Variants in PPP2R2B observed in about 807,000 individuals in gnomAD.
PPP2R2B encodes the protein serine/threonine-protein phosphatase 2A 55 kDa regulatory subunit B beta isoform.
PPP2R2B carries 5 observed loss-of-function variants against 46.0 expected under a neutral mutation model. The observed-to-expected ratio is 0.11, with a 90% CI of 0.06 to 0.23. The LOEUF is 0.23. Among genes scored for constraint, PPP2R2B ranks in the 10% least tolerant of loss-of-function variants. The pLI is 1.00. For synonymous variants in PPP2R2B, 215 were observed against 206.7 expected, an observed-to-expected ratio of 1.04 and a Z score of -0.34; for missense variants, 367 against 575.0, an observed-to-expected ratio of 0.64 and a Z score of 3.70.
Position 147,040,707 on chromosome 5 carries a change from T to C in PPP2R2B, c.79+14958A>G, listed in dbSNP as rs116967443. 693 of 444,018 alleles carry C rather than the reference T, an allele frequency of 1.6e-3. 9 individuals are homozygous for C. The East Asian group carries it at 0.033, about 21-fold the overall frequency. The allele number at this position is 444,018 out of a possible 1,614,324, so 27.5% of individuals were successfully genotyped here. ...TGTTAGGTACTCCGTGTGAGGAAGG[T>C]AGCACTTACGAGAACATTCTTGAAG... On this transcript the variant is annotated intron_variant, in intron 1 of 8. Transcript: ENST00000336640.
chr5:146,788,282 G>C (rs903457615), intron 2 of PPP2R2B, among the ~76,000 whole-genome samples: 5 of 151,276 alleles, frequency 3.3e-5, no homozygotes, highest in African/African-American at 1.2e-4. Context: ...TGGGGATAAT[G>C]GTAAATTCCA....
At chr5:146,835,455 T>A (rs1013225223) in intron 2 of PPP2R2B, among the ~76,000 whole-genome samples, 4 of 152,144 alleles carry the variant, frequency 2.6e-5, no homozygotes, top group Non-Finnish European at 5.9e-5. Context: ...TGAAGCATGT[T>A]GAGTTCTAGC....
chr5:146,990,671 A>G (rs762792569), intron 1 of PPP2R2B, among the ~76,000 whole-genome samples: 1 of 152,128 alleles, frequency 6.6e-6, no homozygotes, highest in Non-Finnish European at 1.5e-5. Flanking sequence ...GATTTTTCGA[A>G]TAAGACTGCA....
chr5:146,862,371 C>T (rs758075484), intron 2 of PPP2R2B, among the ~76,000 whole-genome samples: 1 of 152,230 alleles, frequency 6.6e-6, no homozygotes, highest in African/African-American at 2.4e-5. Context: ...TGGTCACTGC[C>T]TTCTTGGAGT....
intron 2 of PPP2R2B, among the ~76,000 whole-genome samples, chr5:146,805,834 T>C (rs1389427779): frequency 2.0e-5 from 3 of 152,128 alleles, no homozygotes; most frequent in Non-Finnish European, 4.4e-5. Context: ...TCACCTGTGA[T>C]CTACACCTGA....
intron 2 of PPP2R2B, among the ~76,000 whole-genome samples, chr5:146,765,739 T>C (rs939512477): frequency 6.6e-6 from 1 of 152,192 alleles, no homozygotes; most frequent in African/African-American, 2.4e-5. Context: ...TAATGCATAT[T>C]TCACACCACA....
intron 1 of PPP2R2B, among the ~76,000 whole-genome samples, chr5:147,017,699 AGTAAG>A (rs1223511569): frequency 6.7e-6 from 1 of 148,986 alleles, no homozygotes; most frequent in Non-Finnish European, 1.5e-5. Flanking sequence ...TGCAGTGTAA[AGTAAG>A]ATACAAGCAA....
At chr5:146,725,437 T>C (rs1181741052) in intron 2 of PPP2R2B, among the ~76,000 whole-genome samples, 1 of 152,112 alleles carries the variant, frequency 6.6e-6, no homozygotes, top group East Asian at 1.9e-4. Context: ...CATAGGGAAA[T>C]GGATGCAGGT....
chr5:146,594,798 A>AACTC (rs959429154), intron 8 of PPP2R2B, among the ~76,000 whole-genome samples: 4 of 152,196 alleles, frequency 2.6e-5, no homozygotes, highest in African/African-American at 9.6e-5. Context: ...TGTGATAATG[A>AACTC]ACTCAAGTGA....
rs1762015722 is a variant in PPP2R2B at position 146,878,223 on chromosome 5, A to G, written c.-124-28T>C. On this transcript the variant is annotated intron_variant, in intron 1 of 9. Transcript: ENST00000394411. The surrounding 1 kb of genome is among the most constrained non-coding windows in gnomAD (Gnocchi z 4.5). ...GAGGAGGAGACGGGGAGGCGGAGAG[A>G]AAAAAAATAAAAACCCGGCAATGGA... 3.3e-6 allele frequency: 5 copies of G among 1,529,254 alleles called. No homozygotes were observed. Among genetic ancestry groups the G allele is most frequent in the Non-Finnish European group, 4.4e-6 (5 of 1,139,172 alleles). The allele number at this position is 1,529,254 out of a possible 1,614,324, so 94.7% of individuals were successfully genotyped here.
chr5:146,816,292 C>T (rs1413280205), intron 2 of PPP2R2B, among the ~76,000 whole-genome samples: 1 of 152,006 alleles, frequency 6.6e-6, no homozygotes, highest in Non-Finnish European at 1.5e-5. Context: ...GTAATTTTAG[C>T]TACTAGGGAG....
intron 2 of PPP2R2B, among the ~76,000 whole-genome samples, chr5:146,857,005 G>C (rs1760712890): frequency 6.6e-6 from 1 of 152,196 alleles, no homozygotes; most frequent in South Asian, 2.1e-4. Flanking sequence ...TTTGAAAACA[G>C]CTGCTGTATG....
Position 147,026,200 on chromosome 5 carries a change from T to C in PPP2R2B, c.79+29465A>G, listed in dbSNP as rs551934365. Among the ~76,000 whole-genome samples, 4 of 152,226 alleles carry C rather than the reference T, an allele frequency of 2.6e-5. No homozygotes were observed. In the South Asian group the frequency reaches 6.2e-4, roughly 24 times the overall value. On this transcript the variant is annotated intron_variant, in intron 1 of 8. Coordinates refer to the PPP2R2B transcript ENST00000336640. Reference sequence around the variant, plus strand: ...AATGTTCATAGCAAGTTTATTTATATAATAATAGCCCCAAACTGGAAACAA... The same window carrying C: ...AATGTTCATAGCAAGTTTATTTATACAATAATAGCCCCAAACTGGAAACAA...
rs1769874324 is a variant in PPP2R2B at position 146,581,084 on chromosome 5, A to T, written c.*8863T>A. ...TGATTCTTTCATCAAGAAACATCAC[A>T]AATTACCTCTATTAGTCTGTTCTTG... On this transcript the variant is annotated 3_prime_UTR_variant, in exon 10 of 10. Transcript: ENST00000394411. The T allele has an allele frequency of 6.6e-6, 1 of 152,196 alleles. No homozygotes were observed. Among genetic ancestry groups the T allele is most frequent in the Non-Finnish European group, 1.5e-5 (1 of 68,038 alleles). The allele number at this position is 152,196 out of a possible 1,614,324, so 9.4% of individuals were successfully genotyped here. A position where few individuals can be genotyped will look rare whatever the true frequency, so the allele number is the denominator to read the frequency against.
chr5:146,979,415 T>C (rs187202782), intron 1 of PPP2R2B, among the ~76,000 whole-genome samples: 70 of 152,292 alleles, frequency 4.6e-4, no homozygotes, highest in African/African-American at 1.4e-3. Flanking sequence ...AACTCTGTAA[T>C]AGCAAAGAAA....
chr5:146,721,033 C>A (rs1205863431), intron 2 of PPP2R2B, among the ~76,000 whole-genome samples: 1 of 152,048 alleles, frequency 6.6e-6, no homozygotes, highest in Non-Finnish European at 1.5e-5. Flanking sequence ...TTTTTTATTT[C>A]TTGAAAAGTC....
Position 146,593,983 on chromosome 5 carries a change from T to TTTTG in PPP2R2B, c.961-925_961-922dup, listed in dbSNP as rs1770921696. Among the ~76,000 whole-genome samples, 7 of 152,288 alleles carry TTTTG rather than the reference T, an allele frequency of 4.6e-5. No homozygotes were observed. In the South Asian group the frequency reaches 1.4e-3, roughly 32 times the overall value. On this transcript the variant is annotated intron_variant, in intron 8 of 9. Transcript: ENST00000394411. The stretch of plus-strand genomic sequence containing the variant: ...GTGATGGGGACTGGTCAGATTCTCC[T>TTTTG]TTTGTTTAGGGAAAGAGCAGATAGG...
At chr5:146,966,420 G>A (rs1268537700) in intron 1 of PPP2R2B, among the ~76,000 whole-genome samples, 2 of 152,052 alleles carry the variant, frequency 1.3e-5, no homozygotes, top group Non-Finnish European at 2.9e-5. Flanking sequence ...CTCTATCTTC[G>A]CGCAGTTGTC....
At chr5:146,981,766 T>C (rs1029773700) in intron 1 of PPP2R2B, among the ~76,000 whole-genome samples, 10 of 152,204 alleles carry the variant, frequency 6.6e-5, no homozygotes, top group African/African-American at 2.2e-4. Context: ...CCTTAAGCCT[T>C]GGCAACTACT....
Sources: allele counts gnomAD v4.1 joint callset (sites outside exome capture counted in the v4.1 genomes callset), GRCh38; gene constraint gnomAD v4.1.1; non-coding constraint Gnocchi (gnomAD v3.1); transcripts MANE v1.5; gene names NCBI Gene and HGNC (gene_info 2026-07-23, HGNC 2026-07-21).